BCAS3: variants seen among roughly 807,000 people sequenced by gnomAD.
BCAS3 encodes BCAS4/BCAS3 fusion.
In BCAS3, 53 loss-of-function variants were observed where a neutral mutation model predicts 116.1. That is an observed-to-expected ratio of 0.46 (90% CI 0.37 to 0.57). The LOEUF (loss-of-function observed/expected upper bound fraction) is 0.57, where lower values mean the gene tolerates loss of function less well. BCAS3 is among the 20% of genes least tolerant of loss of function. BCAS3 has a pLI of 0.00. For synonymous variants in BCAS3, 391 were observed against 408.2 expected, an observed-to-expected ratio of 0.96 and a Z score of 0.51; for missense variants, 917 against 1,165.4, an observed-to-expected ratio of 0.79 and a Z score of 3.10.
At chr17:60,865,986 A>G (rs932277481) in intron 7 of BCAS3, among the ~76,000 whole-genome samples, 6 of 152,140 alleles carry the variant, frequency 3.9e-5, no homozygotes, top group African/African-American at 1.4e-4. Flanking sequence ...CCATATCTGC[A>G]TCTTTCTAAT....
intron 14 of BCAS3, 39 bp from the exon 15 acceptor site, chr17:60,989,932 T>C (rs773152953): frequency 6.3e-7 from 1 of 1,596,310 alleles, no homozygotes; most frequent in Non-Finnish European, 8.6e-7. Flanking sequence ...ATCCAAGTAG[T>C]TTGAGACATT....
At chr17:61,040,738 T>C in intron 18 of BCAS3, 54 bp from the exon 19 acceptor site, 1 of 1,420,674 alleles carries the variant, frequency 7.0e-7, no homozygotes, top group Non-Finnish European at 1.0e-6. Flanking sequence ...GTCATGGTGA[T>C]TTACATCCCA....
rs1310887598 is a variant in BCAS3 at position 61,200,390 on chromosome 17, G to A, written c.2425+115826G>A. 6.6e-6 allele frequency among the ~76,000 whole-genome samples: 1 copy of A among 152,190 alleles called. No individual in the cohort carries two copies. Among genetic ancestry groups the A allele is most frequent in the East Asian group, 1.9e-4 (1 of 5,204 alleles). ...CAATTTGGCACTTACTATTGACAAAGCATTATTTATTATTTTATAGCCATA... is the reference window on the plus strand; with the variant it reads ...CAATTTGGCACTTACTATTGACAAAACATTATTTATTATTTTATAGCCATA... On this transcript the variant is annotated intron_variant, in intron 22 of 23. Coordinates refer to ENST00000407086, the MANE Select transcript of BCAS3 (RefSeq NM_017679.5). This position sits in a 1 kb window ranked among gnomAD's most constrained non-coding sequence, Gnocchi z 5.1.
intron 14 of BCAS3, among the ~76,000 whole-genome samples, chr17:60,988,284 A>G (rs1400792678): frequency 7.0e-6 from 1 of 143,266 alleles, no homozygotes; most frequent in Non-Finnish European, 1.5e-5. Context: ...AGTCTAGTCT[A>G]GTCTAGTCTT....
chr17:60,763,035 A>G (rs1201339667), intron 6 of BCAS3, among the ~76,000 whole-genome samples: 2 of 152,164 alleles, frequency 1.3e-5, no homozygotes, highest in African/African-American at 4.8e-5. Context: ...TGATTTTTGC[A>G]CATTGATTTT....
At chr17:60,678,973 C>T (rs2032509532) in intron 1 of BCAS3, among the ~76,000 whole-genome samples, 1 of 152,178 alleles carries the variant, frequency 6.6e-6, no homozygotes, top group South Asian at 2.1e-4. Flanking sequence ...CCTATAATCC[C>T]AGCACTTTGG....
At chr17:61,149,110 A>G (rs924354353) in intron 22 of BCAS3, among the ~76,000 whole-genome samples, 3 of 152,072 alleles carry the variant, frequency 2.0e-5, no homozygotes, top group African/African-American at 7.2e-5. Context: ...TGGCAAAAAT[A>G]TTAGTGGCAA....
rs16945141 is a variant in BCAS3 at position 61,330,940 on chromosome 17, T to A, written c.2426-37387T>A. Among the ~76,000 whole-genome samples the A allele has an allele frequency of 1.2e-3, 188 of 152,324 alleles. 1 individual carries two copies. Among genetic ancestry groups the A allele is most frequent in the African/African-American group, 4.4e-3 (182 of 41,570 alleles). On this transcript the variant is annotated intron_variant, in intron 22 of 23. Transcript: ENST00000407086. ...TGTGACAGTTCTGCCATCTCTCTAC[T>A]AGGTCAGGTGAAACCACCTCCCAAA...
intron 5 of BCAS3, among the ~76,000 whole-genome samples, chr17:60,738,624 T>A (rs928825491): frequency 6.6e-6 from 1 of 152,236 alleles, no homozygotes; most frequent in East Asian, 1.9e-4. Context: ...CAACATACAG[T>A]TGGATCTTGT....
intron 5 of BCAS3, among the ~76,000 whole-genome samples, chr17:60,726,381 G>C (rs905149647): frequency 6.8e-6 from 1 of 146,322 alleles, no homozygotes; most frequent in Admixed American, 6.9e-5. Context: ...TGTATTTTTA[G>C]TGGAGACAGG....
At chr17:60,869,358 T>C (rs576561849) in intron 8 of BCAS3, among the ~76,000 whole-genome samples, 26 of 152,322 alleles carry the variant, frequency 1.7e-4, no homozygotes, top group Non-Finnish European at 3.1e-4. Context: ...CCTGGGATGG[T>C]AAATATCTTG....
At chr17:60,762,916 T>TAA (rs2043686126) in intron 6 of BCAS3, among the ~76,000 whole-genome samples, 1 of 151,810 alleles carries the variant, frequency 6.6e-6, no homozygotes, top group South Asian at 2.1e-4. Flanking sequence ...GTCCTTCACG[T>TAA]CCCTTGTTAG....
Position 61,368,158 on chromosome 17 carries a change from G to A in BCAS3, c.2426-169G>A, listed in dbSNP as rs979026519. On this transcript the variant is annotated intron_variant, in intron 22 of 23. Transcript: ENST00000407086. This position sits in a 1 kb window ranked among gnomAD's most constrained non-coding sequence, Gnocchi z 6.0. ...CTCCAGAGGTCTGCACTCTCTCAGC[G>A]GCATGAGCTATTTCTCCTGCGCTAC... The A allele has an allele frequency of 5.4e-5, 32 of 595,534 alleles. No individual in the cohort carries two copies. The highest frequency in any genetic ancestry group is 2.7e-4 in the African/African-American group (15 of 54,776). The allele number at this position is 595,534 out of a possible 1,614,324, so 36.9% of individuals were successfully genotyped here. A position where few individuals can be genotyped will look rare whatever the true frequency, so the allele number is the denominator to read the frequency against.
At chr17:60,763,793 C>G (rs2043798679) in intron 6 of BCAS3, among the ~76,000 whole-genome samples, 1 of 152,144 alleles carries the variant, frequency 6.6e-6, no homozygotes. Flanking sequence ...CTCTGTACCT[C>G]TGGTAGAATT....
intron 22 of BCAS3, among the ~76,000 whole-genome samples, chr17:61,350,414 CAATA>C (rs55888678): frequency 0.021 from 2,924 of 136,734 alleles, 89 homozygotes; most frequent in African/African-American, 0.07. Context: ...GACTCTGTCT[CAATA>C]AATAAATAAA....
rs538641314 is a variant in BCAS3 at position 61,083,072 on chromosome 17, T to C, written c.2328-1395T>C. The stretch of plus-strand genomic sequence containing the variant: ...TGCACTTCAAGATGCCCTGAATCTA[T>C]CGTATTCAGTCACTAATCTAAGTTT... On this transcript the variant is annotated intron_variant, in intron 21 of 23. Coordinates refer to ENST00000407086, the MANE Select transcript of BCAS3 (RefSeq NM_017679.5). The surrounding 1 kb of genome is among the most constrained non-coding windows in gnomAD (Gnocchi z 4.9). 1.3e-5 allele frequency among the ~76,000 whole-genome samples: 2 copies of C among 152,316 alleles called. No individual in the cohort carries two copies. Among genetic ancestry groups the C allele is most frequent in the South Asian group, 2.1e-4 (1 of 4,822 alleles).
rs573586018 is a variant in BCAS3 at position 60,727,463 on chromosome 17, G to C, written c.321+18138G>C. Reference sequence around the variant, plus strand: ...ACACTTCTTACAGAAGGTTCTTCGGGTTTTAGGTACGTTGACCATCTTTGC... The same window carrying C: ...ACACTTCTTACAGAAGGTTCTTCGGCTTTTAGGTACGTTGACCATCTTTGC... On this transcript the variant is annotated intron_variant, in intron 5 of 23. Transcript: ENST00000407086. 1.9e-6 allele frequency: 3 copies of C among 1,554,798 alleles called. No homozygotes were observed. In the African/African-American group the frequency reaches 4.1e-5, roughly 21 times the overall value.
chr17:61,045,946 TA>T (rs2068123566), intron 19 of BCAS3, among the ~76,000 whole-genome samples: 1 of 13,564 alleles, frequency 7.4e-5, no homozygotes, highest in Non-Finnish European at 9.7e-5. Context: ...ATATATATTA[TA>T]TATATAAATA....
At position 61,271,424 on chromosome 17, in the gene BCAS3, A is replaced by ATTTTTTTTTTTTTTTTTTTTTTTT. The variant is rs71148400; in HGVS notation, c.2426-96890_2426-96889insTTTTTTTTTTTTTTTTTTTTTTTT. On this transcript the variant is annotated intron_variant, in intron 22 of 23. Transcript: ENST00000407086. ...TACAGGTGTAAGCCACCATGCCCGG[A>ATTTTTTTTTTTTTTTTTTTTTTTT]TTTTTTTTTTTTTGTCTTAGGTGGA... Among the ~76,000 whole-genome samples, 58 of 70,234 alleles carry ATTTTTTTTTTTTTTTTTTTTTTTT rather than the reference A, an allele frequency of 8.3e-4. 18 individuals are homozygous for ATTTTTTTTTTTTTTTTTTTTTTTT. The highest frequency in any genetic ancestry group is 4.2e-3 in the East Asian group (8 of 1,886). 46.1% of individuals were successfully genotyped at this position (70,234 alleles called of 152,430 possible).
Sources: gnomAD v4.1 joint callset for allele counts (sites outside exome capture counted in the v4.1 genomes callset) on GRCh38, gnomAD v4.1.1 for gene constraint, Gnocchi (gnomAD v3.1) non-coding constraint, MANE v1.5 for transcripts, NCBI Gene and HGNC (gene_info 2026-07-23, HGNC 2026-07-21) for gene names.